The following FOXN3 variants were observed in gnomAD, a reference collection of about 807,000 sequenced individuals.
FOXN3 encodes forkhead box N3.
A neutral mutation model predicts 38.4 loss-of-function variants in FOXN3; 7 were observed. The observed-to-expected ratio is 0.18, with a 90% confidence interval of 0.10 to 0.34. The LOEUF is 0.34. FOXN3 is among the 10% of genes least tolerant of loss of function. The pLI, the probability that FOXN3 is intolerant of heterozygous loss-of-function variation, is 1.00. For missense variants in FOXN3, 456 were observed against 613.4 expected, an observed-to-expected ratio of 0.74 and a Z score of 2.71; for synonymous variants, 230 against 242.2, an observed-to-expected ratio of 0.95 and a Z score of 0.47.
At chr14:89,588,690 T>G (rs1209186298) in intron 1 of FOXN3, among the ~76,000 whole-genome samples, 1 of 152,178 alleles carries the variant, frequency 6.6e-6, no homozygotes, top group Non-Finnish European at 1.5e-5. Context: ...GGTCAGTACC[T>G]GGATGGTAGC....
chr14:89,290,559 A>G (rs1476996), intron 3 of FOXN3: 497,059 of 549,056 alleles, frequency 0.91, 227,258 homozygotes, highest in East Asian at 0.97. Flanking sequence ...AATGTAAGCC[A>G]CTTGTTTCAG....
intron 1 of FOXN3, among the ~76,000 whole-genome samples, chr14:89,414,370 A>C (rs1238874522): frequency 6.6e-6 from 1 of 152,070 alleles, no homozygotes; most frequent in Non-Finnish European, 1.5e-5. Context: ...CATTAACACC[A>C]CATCTAAAAC....
At position 89,164,310 on chromosome 14, in the gene FOXN3, AC is replaced by A. The variant is rs1887183604; in HGVS notation, c.852-1342del. ...TGTTTTGTGGAAGACAAGGCATCTG[AC>A]CTTGGACACAAGGGCTGAAGAATTT... On this transcript the variant is annotated intron_variant, in intron 5 of 5. Coordinates refer to ENST00000557258, the MANE Select transcript of FOXN3 (RefSeq NM_005197.4). This position sits in a 1 kb window ranked among gnomAD's most constrained non-coding sequence, Gnocchi z 4.3. 1.3e-5 allele frequency among the ~76,000 whole-genome samples: 2 copies of A among 152,294 alleles called. No homozygotes were observed. The highest frequency in any genetic ancestry group is 1.3e-4 in the Admixed American group (2 of 15,306).
intron 2 of FOXN3, among the ~76,000 whole-genome samples, chr14:89,400,425 T>G (rs916000220): frequency 6.6e-6 from 1 of 152,228 alleles, no homozygotes; most frequent in African/African-American, 2.4e-5. Flanking sequence ...GGAAACTTCC[T>G]GACAGCTCCA....
At position 89,159,683 on chromosome 14, in the gene FOXN3, TATC is replaced by T. The variant is rs991618237; in HGVS notation, c.*2728_*2730del. On this transcript the variant is annotated 3_prime_UTR_variant, in exon 6 of 6. Coordinates refer to ENST00000557258, the MANE Select transcript of FOXN3 (RefSeq NM_005197.4). ...CCTTTCAGGAGAGAGGTCTGAATTT[TATC>T]ATCTGTGGGGTGGGATGAAGGTGGG... 6.6e-6 allele frequency: 1 copy of T among 152,400 alleles called. No individual in the cohort carries two copies. Among genetic ancestry groups the T allele is most frequent in the East Asian group, 1.9e-4 (1 of 5,190 alleles). The allele number at this position is 152,400 out of a possible 1,614,324, so 9.4% of individuals were successfully genotyped here.
intron 1 of FOXN3, among the ~76,000 whole-genome samples, chr14:89,615,367 T>C (rs1896476670): frequency 6.6e-6 from 1 of 152,182 alleles, no homozygotes. Context: ...TGAAAATGAA[T>C]TGGAATTGTA....
chr14:89,452,353 G>C (rs941406835), intron 1 of FOXN3, among the ~76,000 whole-genome samples: 1 of 152,176 alleles, frequency 6.6e-6, no homozygotes, highest in Non-Finnish European at 1.5e-5. Flanking sequence ...GCTGCTGTGG[G>C]AAGGTTCCCT....
At chr14:89,552,151 A>T (rs191691681) in intron 1 of FOXN3, among the ~76,000 whole-genome samples, 1 of 152,328 alleles carries the variant, frequency 6.6e-6, no homozygotes, top group Admixed American at 6.5e-5. Flanking sequence ...TCCATAGTAC[A>T]TGATGTTAAG....
At chr14:89,249,075 G>A (rs1176269437) in intron 4 of FOXN3, among the ~76,000 whole-genome samples, 2 of 152,188 alleles carry the variant, frequency 1.3e-5, no homozygotes, top group Admixed American at 1.3e-4. Context: ...GAAAGCTCTT[G>A]CTTTAAAATT....
chr14:89,385,439 C>A (rs1281940320), intron 2 of FOXN3, among the ~76,000 whole-genome samples: 1 of 147,334 alleles, frequency 6.8e-6, no homozygotes, highest in African/African-American at 2.5e-5. Flanking sequence ...TAAAGCCATC[C>A]GTGTCCTGAG....
At chr14:89,189,382 T>C (rs948507063) in intron 4 of FOXN3, among the ~76,000 whole-genome samples, 2 of 152,208 alleles carry the variant, frequency 1.3e-5, no homozygotes, top group Non-Finnish European at 2.9e-5. Context: ...GCTGAAGGCC[T>C]AGCCATAAGA....
At chr14:89,471,367 C>G (rs1272596652) in intron 1 of FOXN3, among the ~76,000 whole-genome samples, 1 of 152,040 alleles carries the variant, frequency 6.6e-6, no homozygotes, top group Non-Finnish European at 1.5e-5. Flanking sequence ...TTTGGGAGGC[C>G]AAGGTGGATG....
intron 2 of FOXN3, among the ~76,000 whole-genome samples, chr14:89,374,523 A>G (rs1566971452): frequency 6.6e-6 from 1 of 152,150 alleles, no homozygotes; most frequent in African/African-American, 2.4e-5. Context: ...GAAATAATAC[A>G]AAACCCATCA....
intron 3 of FOXN3, among the ~76,000 whole-genome samples, chr14:89,325,865 C>A (rs1172268374): frequency 1.3e-5 from 2 of 152,156 alleles, no homozygotes; most frequent in Non-Finnish European, 2.9e-5. Context: ...CTCTTGGGGA[C>A]CAAGCCTAGC....
At chr14:89,261,912 G>C (rs1566941582) in intron 4 of FOXN3, among the ~76,000 whole-genome samples, 1 of 152,152 alleles carries the variant, frequency 6.6e-6, no homozygotes, top group Non-Finnish European at 1.5e-5. Flanking sequence ...CTGGGCGACA[G>C]AGCGAGACTC....
intron 4 of FOXN3, among the ~76,000 whole-genome samples, chr14:89,278,878 C>G (rs923362938): frequency 6.6e-6 from 1 of 152,048 alleles, no homozygotes; most frequent in Non-Finnish European, 1.5e-5. Flanking sequence ...TGATTCTAAC[C>G]CAAACCTTCC....
At chr14:89,359,748 T>A (rs989547011) in intron 2 of FOXN3, among the ~76,000 whole-genome samples, 1 of 152,140 alleles carries the variant, frequency 6.6e-6, no homozygotes, top group African/African-American at 2.4e-5. Flanking sequence ...ACCTCCTTCC[T>A]TAAGGAGGAG....
intron 1 of FOXN3, among the ~76,000 whole-genome samples, chr14:89,540,892 T>C (rs965546880): frequency 5.9e-5 from 9 of 152,162 alleles, no homozygotes; most frequent in African/African-American, 2.2e-4. Flanking sequence ...AAAATACTTT[T>C]GTTGTGCAGA....
chr14:89,336,250 T>TC lies in FOXN3; in HGVS notation c.680+14421dup, dbSNP rs1566960019. Among the ~76,000 whole-genome samples the TC allele has an allele frequency of 1.2e-3, 8 of 6,694 alleles. No homozygotes were observed. The South Asian group carries it at 0.03, about 25-fold the overall frequency. The allele number at this position is 6,694 out of a possible 152,430, so 4.4% of individuals were successfully genotyped here. A position where few individuals can be genotyped will look rare whatever the true frequency, so the allele number is the denominator to read the frequency against. On this transcript the variant is annotated intron_variant, in intron 3 of 5. Coordinates refer to ENST00000557258, the MANE Select transcript of FOXN3 (RefSeq NM_005197.4). ...TCCATCCATCCATCCATCCATCCAT[T>TC]CATCCATCCACACAGAATCCTCTCT...
Sources: allele counts gnomAD v4.1 joint callset (sites outside exome capture counted in the v4.1 genomes callset), GRCh38; gene constraint gnomAD v4.1.1; non-coding constraint Gnocchi (gnomAD v3.1); transcripts MANE v1.5; gene names NCBI Gene and HGNC (gene_info 2026-07-23, HGNC 2026-07-21).